SLC18A1: variants seen among roughly 807,000 people sequenced by gnomAD.
SLC18A1 encodes the protein solute carrier family 18 member A1, also known as chromaffin granule amine transporter.
In SLC18A1, 69 loss-of-function variants were observed where a neutral mutation model predicts 53.7. The ratio of observed to expected loss-of-function variants is 1.28; its 90% CI spans 1.06 to 1.57. The LOEUF (loss-of-function observed/expected upper bound fraction) is 1.57. Among genes scored for constraint, SLC18A1 ranks in the 40% most tolerant of loss-of-function variants. The probability of loss-of-function intolerance (pLI) is 0.00; values close to 1 mark genes in which losing one functional copy is unlikely to be tolerated. For missense variants in SLC18A1, 932 were observed against 668.1 expected (o/e 1.40, Z -4.35); for synonymous variants, 320 against 248.1 (o/e 1.29, Z -2.72).
At chr8:20,148,862 T>C (rs903992249) in intron 12 of SLC18A1, among the ~76,000 whole-genome samples, 2 of 152,180 alleles carry the variant, frequency 1.3e-5, no homozygotes, top group Admixed American at 6.5e-5. Context: ...GCTCACCATG[T>C]GCCAGACACT....
Position 20,147,801 on chromosome 8 carries a change from A to C in SLC18A1, c.1211-79T>G, listed in dbSNP as rs575708474. The C allele has an allele frequency of 5.1e-6, 8 of 1,573,752 alleles. No individual in the cohort carries two copies. In the East Asian group the frequency reaches 1.6e-4, roughly 32 times the overall value. On this transcript the variant is annotated intron_variant, in intron 13 of 15. Transcript: ENST00000276373. ...CCGCCTCTCCTCCTCCATTTAGTCC[A>C]TTTGCTTTGTCTGCTGTCTTCTGCC...
chr8:20,182,159 C>A (rs546131300), intron 1 of SLC18A1, among the ~76,000 whole-genome samples: 1 of 152,028 alleles, frequency 6.6e-6, no homozygotes, highest in African/African-American at 2.4e-5. Context: ...TGAAATCTAT[C>A]AGGCCCTAAA....
chr8:20,177,009 A>G (rs1380576301), intron 4 of SLC18A1, among the ~76,000 whole-genome samples: 2 of 152,116 alleles, frequency 1.3e-5, no homozygotes, highest in African/African-American at 4.8e-5. Flanking sequence ...TTCATTCTTT[A>G]TGTGACTATG....
intron 12 of SLC18A1, among the ~76,000 whole-genome samples, chr8:20,149,029 T>A (rs1304939942): frequency 1.3e-5 from 2 of 152,142 alleles, no homozygotes; most frequent in East Asian, 3.9e-4. Flanking sequence ...CCCATGCTCC[T>A]GCTCAGGACC....
chr8:20,159,532 G>C (rs1042650253), intron 10 of SLC18A1, among the ~76,000 whole-genome samples: 6 of 149,364 alleles, frequency 4.0e-5, no homozygotes, highest in Non-Finnish European at 3.0e-5. Context: ...ACAATGATCG[G>C]GATATAAACC....
At chr8:20,176,248 C>T (rs539420081) in intron 4 of SLC18A1, among the ~76,000 whole-genome samples, 1 of 152,264 alleles carries the variant, frequency 6.6e-6, no homozygotes, top group South Asian at 2.1e-4. Flanking sequence ...TAAAAAAAGG[C>T]TGGCACCTCC....
intron 8 of SLC18A1, among the ~76,000 whole-genome samples, chr8:20,168,749 T>C (rs962494637): frequency 4.6e-5 from 7 of 152,190 alleles, no homozygotes; most frequent in African/African-American, 1.4e-4. Flanking sequence ...TTTGTACTTT[T>C]AGCAGAGACA....
At chr8:20,168,945 A>T (rs1479265658) in intron 8 of SLC18A1, among the ~76,000 whole-genome samples, 1 of 152,170 alleles carries the variant, frequency 6.6e-6, no homozygotes, top group Admixed American at 6.5e-5. Flanking sequence ...TCATCAATGG[A>T]TAACAAATCT....
chr8:20,154,948 T>C (rs2071646265), intron 10 of SLC18A1, among the ~76,000 whole-genome samples: 1 of 152,162 alleles, frequency 6.6e-6, no homozygotes, highest in Non-Finnish European at 1.5e-5. Flanking sequence ...TTGCCACTCC[T>C]GATTGGGCTA....
At chr8:20,152,536 G>A (rs1426431750) in intron 10 of SLC18A1, among the ~76,000 whole-genome samples, 2 of 152,194 alleles carry the variant, frequency 1.3e-5, no homozygotes, top group African/African-American at 2.4e-5. Context: ...GAGAAATCAG[G>A]GATAACCTAG....
intron 10 of SLC18A1, among the ~76,000 whole-genome samples, chr8:20,153,089 A>T (rs1392897663): frequency 2.0e-5 from 3 of 152,172 alleles, no homozygotes; most frequent in Non-Finnish European, 4.4e-5. Context: ...GAAGAAATAT[A>T]AAATAGTCAT....
chr8:20,178,408 G>T, intron 4 of SLC18A1, 27 bp downstream of exon 4: 1 of 1,585,910 alleles, frequency 6.3e-7, no homozygotes, highest in Non-Finnish European at 8.6e-7. Flanking sequence ...TCAGTGAAGG[G>T]AAGAAAAGAG....
At position 20,179,394 on chromosome 8, in the gene SLC18A1, G is replaced by A. The variant is rs1439120275; in HGVS notation, c.215C>T (p.Ala72Val). The change falls in exon 3 of 16, where the codon GCC becomes GTC. Residue 72 changes from alanine to valine, a missense_variant. Transcript: ENST00000276373. ...HLGHAGSSPH[A>V]LASPAFSTIF... is the part of the protein sequence containing the mutation. ...GGTGGAAAAGGCAGGAGAGGCGAGGGCATGTGGGGAACTTCCGGCATGGCC... is the reference window on the plus strand; with the variant it reads ...GGTGGAAAAGGCAGGAGAGGCGAGGACATGTGGGGAACTTCCGGCATGGCC... 6.2e-7 allele frequency: 1 copy of A among 1,614,044 alleles called. No homozygotes were observed. Among genetic ancestry groups the A allele is most frequent in the Non-Finnish European group, 8.5e-7 (1 of 1,179,992 alleles).
intron 8 of SLC18A1, among the ~76,000 whole-genome samples, chr8:20,166,289 CTATATA>C (rs1181101416): frequency 3.6e-4 from 39 of 107,260 alleles, no homozygotes; most frequent in African/African-American, 6.5e-4. Context: ...GTGTGTGTGT[CTATATA>C]TATATATATA....
intron 10 of SLC18A1, among the ~76,000 whole-genome samples, chr8:20,159,943 A>G (rs979143405): frequency 3.3e-4 from 50 of 152,134 alleles, no homozygotes; most frequent in African/African-American, 1.1e-3. Flanking sequence ...TGGTATAAGG[A>G]ACTGTTTGAG....
chr8:20,158,294 G>A (rs1297220148), intron 10 of SLC18A1, among the ~76,000 whole-genome samples: 2 of 152,160 alleles, frequency 1.3e-5, no homozygotes, highest in Admixed American at 6.5e-5. Context: ...CAGCCACTAA[G>A]TTGTGACTGG....
chr8:20,147,494 T>C, intron 14 of SLC18A1, 103 bp from the exon 15 acceptor site: 1 of 1,571,600 alleles, frequency 6.4e-7, no homozygotes, highest in East Asian at 2.3e-5. Flanking sequence ...CCAGAGGATG[T>C]CTCAGCGTCA....
chr8:20,160,963 AGGTGGT>A (rs930688225), intron 10 of SLC18A1, among the ~76,000 whole-genome samples: 2 of 152,208 alleles, frequency 1.3e-5, no homozygotes, highest in African/African-American at 4.8e-5. Flanking sequence ...CTATTCATAA[AGGTGGT>A]GCCCCTAGGA....
intron 8 of SLC18A1, 149 bp downstream of exon 8, chr8:20,170,954 T>A (rs1214246317): frequency 2.7e-6 from 2 of 732,160 alleles, no homozygotes; most frequent in Non-Finnish European, 4.6e-6. Flanking sequence ...ACCTGAAACG[T>A]AACCCTATCC....
Sources: gnomAD v4.1 joint callset for allele counts (sites outside exome capture counted in the v4.1 genomes callset) on GRCh38, gnomAD v4.1.1 for gene constraint, MANE v1.5 for transcripts, NCBI Gene and HGNC (gene_info 2026-07-23, HGNC 2026-07-21) for gene names.